TBC1D8: variants seen among roughly 807,000 people sequenced by gnomAD.
TBC1D8 encodes the protein TBC1 domain family member 8.
A neutral mutation model predicts 118.8 loss-of-function variants in TBC1D8; 65 were observed. That is an observed-to-expected ratio of 0.55 (90% CI 0.45 to 0.67). TBC1D8 has a LOEUF of 0.67. TBC1D8 is among the 30% of genes least tolerant of loss of function. The pLI, the probability that TBC1D8 is intolerant of heterozygous loss-of-function variation, is 0.00. For missense variants in TBC1D8, 1,376 were observed against 1,471.2 expected (o/e 0.94, Z 1.06); for synonymous variants, 566 against 595.8 (o/e 0.95, Z 0.73).
intron 2 of TBC1D8, among the ~76,000 whole-genome samples, chr2:101,074,955 T>C (rs951552413): frequency 9.9e-5 from 15 of 152,128 alleles, no homozygotes; most frequent in African/African-American, 3.6e-4. Context: ...ATACGCATCA[T>C]ATATCAGTTA....
chr2:101,048,589 T>G (rs940072751), intron 5 of TBC1D8, among the ~76,000 whole-genome samples: 1 of 152,118 alleles, frequency 6.6e-6, no homozygotes, highest in Non-Finnish European at 1.5e-5. Context: ...TTAAAACAAA[T>G]GGACACAGTA....
At chr2:101,103,550 C>G (rs1462106859) in intron 1 of TBC1D8, among the ~76,000 whole-genome samples, 1 of 152,004 alleles carries the variant, frequency 6.6e-6, no homozygotes. Context: ...CGCCACCACG[C>G]CCGGCTAATT....
intron 1 of TBC1D8, among the ~76,000 whole-genome samples, chr2:101,149,006 G>A (rs182203500): frequency 3.3e-5 from 5 of 152,262 alleles, no homozygotes; most frequent in Admixed American, 2.6e-4. Context: ...GCAGGTCAGC[G>A]CTGCTTCATC....
intron 1 of TBC1D8, among the ~76,000 whole-genome samples, chr2:101,133,018 G>C (rs1378168018): frequency 6.6e-6 from 1 of 151,620 alleles, no homozygotes; most frequent in East Asian, 2.0e-4. Context: ...AAATTAGCTA[G>C]GCGTGGTGGC....
At chr2:101,143,565 C>T (rs1211404975) in intron 1 of TBC1D8, among the ~76,000 whole-genome samples, 1 of 152,116 alleles carries the variant, frequency 6.6e-6, no homozygotes, top group Non-Finnish European at 1.5e-5. Flanking sequence ...TCTTCCCCCG[C>T]CGCCCCTACC....
At chr2:101,037,381 G>T in intron 8 of TBC1D8, 151 bp downstream of exon 8, 1 of 1,150,554 alleles carries the variant, frequency 8.7e-7, no homozygotes, top group Non-Finnish European at 1.2e-6. Flanking sequence ...CACCTCAGTG[G>T]TCACTTTTCA....
chr2:101,040,065 T>C (rs747160340), intron 6 of TBC1D8, 113 bp downstream of exon 6: 28 of 1,242,682 alleles, frequency 2.3e-5, no homozygotes, highest in Middle Eastern at 2.4e-4. Flanking sequence ...CATCTTTAGA[T>C]GGCAAAACTG....
chr2:101,017,781 T>G, intron 17 of TBC1D8: 1 of 1,503,352 alleles, frequency 6.7e-7, no homozygotes, highest in Non-Finnish European at 9.0e-7. Flanking sequence ...ACCAAAATCT[T>G]GACAAGCTCA....
At chr2:101,133,634 T>C (rs1480958601) in intron 1 of TBC1D8, among the ~76,000 whole-genome samples, 1 of 152,148 alleles carries the variant, frequency 6.6e-6, no homozygotes, top group African/African-American at 2.4e-5. Context: ...CTGGGGTCTC[T>C]TTCTAAGAGC....
At chr2:101,145,645 T>C (rs921878998) in intron 1 of TBC1D8, among the ~76,000 whole-genome samples, 7 of 152,172 alleles carry the variant, frequency 4.6e-5, no homozygotes, top group Admixed American at 3.3e-4. Context: ...ATCCTTAGCC[T>C]GTCAGTTTCA....
chr2:101,054,460 G>A (rs968053083), intron 3 of TBC1D8, 124 bp from the exon 4 acceptor site: 4 of 925,480 alleles, frequency 4.3e-6, no homozygotes, highest in African/African-American at 3.3e-5. Flanking sequence ...CTGCTTCAAC[G>A]ACAGACACAC....
chr2:101,056,235 G>A (rs929931971), intron 3 of TBC1D8, among the ~76,000 whole-genome samples: 73 of 139,274 alleles, frequency 5.2e-4, no homozygotes, highest in African/African-American at 1.3e-3. Flanking sequence ...AGACAGTCTC[G>A]CTCTGTCGCC....
At chr2:101,021,592 TAA>T in intron 17 of TBC1D8, 87 bp downstream of exon 17, 1 of 953,864 alleles carries the variant, frequency 1.0e-6, no homozygotes, top group South Asian at 1.6e-5. Context: ...AAGTGAACTT[TAA>T]AAAGAGAAGA....
chr2:101,060,744 G>A (rs939629134), intron 2 of TBC1D8, among the ~76,000 whole-genome samples: 2 of 152,188 alleles, frequency 1.3e-5, no homozygotes, highest in Non-Finnish European at 2.9e-5. Context: ...CAAAAGGCAC[G>A]TGGGCATCAG....
chr2:101,111,986 A>T (rs776467708), intron 1 of TBC1D8, among the ~76,000 whole-genome samples: 21 of 152,026 alleles, frequency 1.4e-4, no homozygotes, highest in Non-Finnish European at 2.8e-4. Flanking sequence ...TAATGTAAAT[A>T]AAAAAACAAC....
At position 101,018,174 on chromosome 2, in the gene TBC1D8, ATAAT is replaced by A. The variant is rs1257763934; in HGVS notation, c.2827+3503_2827+3506del. Reference sequence around the variant, plus strand: ...CATACAGATATTGCTGTACTAATCTATAATTATGTTTTAGAATTCAAATTATAAC... The same window carrying A: ...CATACAGATATTGCTGTACTAATCTATATGTTTTAGAATTCAAATTATAAC... On this transcript the variant is annotated intron_variant, in intron 17 of 19. Coordinates refer to ENST00000409318, the MANE Select transcript of TBC1D8 (RefSeq NM_001330348.2). The A allele has an allele frequency of 7.6e-6, 3 of 397,098 alleles. No individual in the cohort carries two copies. In the Admixed American group the frequency reaches 1.2e-4, roughly 16 times the overall value. The allele number at this position is 397,098 out of a possible 1,614,324, so 24.6% of individuals were successfully genotyped here.
In TBC1D8 at chr2:101,032,464, C is replaced by A. The variant is rs6719728; in HGVS notation, c.1819-79G>T. On this transcript the variant is annotated intron_variant, in intron 10 of 19. Transcript: ENST00000409318. ...GATGTTACAAGCATCCAAGCCCAAA[C>A]AACCCACAAAAGTAAAGATTTCATA... is the stretch of plus-strand genomic sequence containing the variant. 7,518 of 1,234,214 alleles carry A rather than the reference C, an allele frequency of 6.1e-3. 323 individuals are homozygous for A. In the African/African-American group the frequency reaches 0.092, roughly 15 times the overall value. The allele number at this position is 1,234,214 out of a possible 1,614,324, so 76.5% of individuals were successfully genotyped here. A position where few individuals can be genotyped will look rare whatever the true frequency, so the allele number is the denominator to read the frequency against.
chr2:101,109,774 G>A (rs1248016984), intron 1 of TBC1D8: 26 of 984,494 alleles, frequency 2.6e-5, no homozygotes, highest in Non-Finnish European at 3.1e-5. Context: ...CTTCTACTGG[G>A]TGAGGACTGG....
At chr2:101,061,397 G>GA (rs1682745440) in intron 2 of TBC1D8, among the ~76,000 whole-genome samples, 1 of 152,152 alleles carries the variant, frequency 6.6e-6, no homozygotes, top group African/African-American at 2.4e-5. Flanking sequence ...GTTCTGAGCG[G>GA]ACACTTAGGG....
Sources: allele counts gnomAD v4.1 joint callset (sites outside exome capture counted in the v4.1 genomes callset), GRCh38; gene constraint gnomAD v4.1.1; transcripts MANE v1.5; gene names NCBI Gene and HGNC (gene_info 2026-07-23, HGNC 2026-07-21).